WDR36: variants seen among roughly 807,000 people sequenced by gnomAD.
The protein encoded by WDR36 is WD repeat domain 36, also known as WD repeat-containing protein 36.
In WDR36, 63 loss-of-function variants were observed where a neutral mutation model predicts 112.7. That is an observed-to-expected ratio of 0.56 (90% CI 0.46 to 0.69). WDR36 has a LOEUF of 0.69. Ranked by LOEUF, WDR36 falls within the 30% of genes least tolerant of loss-of-function variation. The pLI is 0.00. For missense variants in WDR36, 1,226 were observed against 1,070.3 expected (o/e 1.15, Z -2.03); for synonymous variants, 410 against 362.2 (o/e 1.13, Z -1.50).
At chr5:111,105,224 TA>T (rs886175317) in intron 9 of WDR36, 70 bp from the exon 10 acceptor site, 10 of 1,488,600 alleles carry the variant, frequency 6.7e-6, no homozygotes, top group Middle Eastern at 3.5e-4. Context: ...TTGAATTTTA[TA>T]AAATTTGTGA....
In WDR36 at chr5:111,124,091, A is replaced by G. The variant is rs1308746062; in HGVS notation, c.2269-17A>G. ...TACTTGAATTATTTGAATAATGTGT[A>G]TTTGTTTTTGTTTAAGTCTAAAGTG... On this transcript the variant is annotated splice_polypyrimidine_tract_variant and intron_variant, in intron 20 of 22. Transcript: ENST00000513710. 1.2e-6 allele frequency: 2 copies of G among 1,611,220 alleles called. No homozygotes were observed. Among genetic ancestry groups the G allele is most frequent in the Middle Eastern group, 1.7e-4 (1 of 6,054 alleles).
chr5:111,104,606 C>A, intron 8 of WDR36, 91 bp from the exon 9 acceptor site: 1 of 1,589,862 alleles, frequency 6.3e-7, no homozygotes, highest in South Asian at 1.1e-5. Context: ...AAGCACTACT[C>A]AATACCAGTT....
At chr5:111,118,424 T>A (rs1036125259) in intron 16 of WDR36, among the ~76,000 whole-genome samples, 1 of 152,208 alleles carries the variant, frequency 6.6e-6, no homozygotes. Flanking sequence ...TTCAGCAGTT[T>A]AAAGCTATGG....
chr5:111,125,324 C>T (rs574849173), intron 21 of WDR36, among the ~76,000 whole-genome samples: 11 of 152,156 alleles, frequency 7.2e-5, no homozygotes, highest in Non-Finnish European at 1.5e-4. Flanking sequence ...AAAATTCTAA[C>T]GTGCCTGTTG....
chr5:111,100,568 T>G, intron 4 of WDR36, 21 bp from the exon 5 acceptor site: 1 of 1,438,560 alleles, frequency 7.0e-7, no homozygotes, highest in Non-Finnish European at 9.5e-7. Flanking sequence ...TAAAAAATAT[T>G]TATAACTTTC....
intron 6 of WDR36, among the ~76,000 whole-genome samples, chr5:111,102,723 A>T (rs1034243382): frequency 7.9e-5 from 12 of 151,704 alleles, no homozygotes; most frequent in Non-Finnish European, 1.8e-4. Flanking sequence ...TCAGCAATGC[A>T]AGCGGTATTG....
intron 6 of WDR36, among the ~76,000 whole-genome samples, chr5:111,102,849 T>A (rs1347885479): frequency 6.6e-6 from 1 of 151,750 alleles, no homozygotes; most frequent in Non-Finnish European, 1.5e-5. Context: ...TGCTTTTTTT[T>A]AATGAATCTG....
intron 2 of WDR36, among the ~76,000 whole-genome samples, chr5:111,095,884 A>G (rs943174981): frequency 2.0e-5 from 3 of 152,164 alleles, no homozygotes; most frequent in Admixed American, 1.3e-4. Flanking sequence ...AGAATAAAAC[A>G]TTTCTCAGGG....
rs1178981671 is a variant in WDR36 at position 111,104,096 on chromosome 5, TA to T, written c.731-77del. 4 of 1,450,284 alleles carry T rather than the reference TA, an allele frequency of 2.8e-6. No individual in the cohort carries two copies. The African/African-American group carries it at 5.7e-5, about 21-fold the overall frequency. The allele number at this position is 1,450,284 out of a possible 1,614,324, so 89.8% of individuals were successfully genotyped here. The stretch of plus-strand genomic sequence containing the variant: ...ATAGTTTTTTTCTAACTTTATGGAT[TA>T]AAAGGGAAGAGAGAAGAATTCTTGT... On this transcript the variant is annotated intron_variant, in intron 7 of 22. Coordinates refer to ENST00000513710, the MANE Select transcript of WDR36 (RefSeq NM_139281.3).
rs1382600907 is a variant in WDR36 at position 111,104,277 on chromosome 5, T to C, written c.831T>C (p.Ser277=). Residue 277 remains serine (S), a synonymous_variant, in exon 8 of 23, where the codon TCT becomes TCC. Coordinates refer to ENST00000513710, the MANE Select transcript of WDR36 (RefSeq NM_139281.3). ...KLINQMRNAH[S]TAIAGLTFLH... ...TCAACCAAATGAGAAATGCACACTCTACAGCAATTGCCGGACTGACATTTC... is the reference window on the plus strand; with the variant it reads ...TCAACCAAATGAGAAATGCACACTCCACAGCAATTGCCGGACTGACATTTC... The C allele has an allele frequency of 1.2e-6, 2 of 1,612,256 alleles. No homozygotes were observed.
chr5:111,125,444 A>G (rs897326131), intron 21 of WDR36, among the ~76,000 whole-genome samples, 164 bp from the exon 22 acceptor site: 5 of 152,166 alleles, frequency 3.3e-5, no homozygotes, highest in South Asian at 2.1e-4. Context: ...CTGATTTTCA[A>G]TTATTTTGGG....
intron 12 of WDR36, among the ~76,000 whole-genome samples, chr5:111,109,242 A>G (rs1753277683): frequency 6.6e-6 from 1 of 151,350 alleles, no homozygotes; most frequent in South Asian, 2.1e-4. Context: ...ACATTTATGA[A>G]TTTTTCAAAA....
Position 111,128,712 on chromosome 5 carries a change from G to C in WDR36, c.*1829G>C, listed in dbSNP as rs998398589. On this transcript the variant is annotated 3_prime_UTR_variant, in exon 23 of 23. Coordinates refer to ENST00000513710, the MANE Select transcript of WDR36 (RefSeq NM_139281.3). ...TTAGATAGAATACATCATTTTGGCA[G>C]GTAATCTTCTAGAACCTTTCATGTA... 6 of 182,732 alleles carry C rather than the reference G, an allele frequency of 3.3e-5. No homozygotes were observed. Among genetic ancestry groups the C allele is most frequent in the Non-Finnish European group, 5.8e-5 (5 of 85,878 alleles). The allele number at this position is 182,732 out of a possible 1,614,324, so 11.3% of individuals were successfully genotyped here. A position where few individuals can be genotyped will look rare whatever the true frequency, so the allele number is the denominator to read the frequency against.
chr5:111,117,641 C>T (rs895791597), intron 16 of WDR36, among the ~76,000 whole-genome samples: 6 of 152,178 alleles, frequency 3.9e-5, no homozygotes, highest in Non-Finnish European at 4.4e-5. Flanking sequence ...TGGACTGATC[C>T]GCCTTAATAG....
intron 2 of WDR36, 63 bp from the exon 3 acceptor site, chr5:111,097,016 A>G: frequency 8.8e-7 from 1 of 1,136,516 alleles, no homozygotes; most frequent in Non-Finnish European, 1.3e-6. Flanking sequence ...TTATATGTAT[A>G]CTTGAGGTTT....
At position 111,100,197 on chromosome 5, in the gene WDR36, C is replaced by T. The variant is rs151078289; in HGVS notation, c.410-392C>T. ...TTCCAGATAATTGGCTCTTCGTTCCCTGAAAGAGCTAAGTATAAGCACTTC... is the reference window on the plus strand; with the variant it reads ...TTCCAGATAATTGGCTCTTCGTTCCTTGAAAGAGCTAAGTATAAGCACTTC... On this transcript the variant is annotated intron_variant, in intron 4 of 22. Coordinates refer to ENST00000513710, the MANE Select transcript of WDR36 (RefSeq NM_139281.3). Among the ~76,000 whole-genome samples the T allele has an allele frequency of 5.4e-3, 823 of 151,912 alleles. 5 individuals are homozygous for T. The highest frequency in any genetic ancestry group is 0.019 in the African/African-American group (775 of 41,476).
In WDR36 at chr5:111,092,388, A is replaced by T. The variant is rs1285658221; in HGVS notation, c.-69A>T. ...CTGGCAGAGGACTGTTCCACTAGACACGCTGAAGGGACTGGGTACGTGTTT... is the reference window on the plus strand; with the variant it reads ...CTGGCAGAGGACTGTTCCACTAGACTCGCTGAAGGGACTGGGTACGTGTTT... On this transcript the variant is annotated 5_prime_UTR_variant, in exon 1 of 23. Coordinates refer to ENST00000513710, the MANE Select transcript of WDR36 (RefSeq NM_139281.3). 4.3e-6 allele frequency: 7 copies of T among 1,614,244 alleles called. No homozygotes were observed. The highest frequency in any genetic ancestry group is 5.9e-6 in the Non-Finnish European group (7 of 1,180,042).
At chr5:111,103,310 T>C (rs1753158600) in intron 6 of WDR36, among the ~76,000 whole-genome samples, 1 of 151,776 alleles carries the variant, frequency 6.6e-6, no homozygotes, top group Non-Finnish European at 1.5e-5. Context: ...TGTAAAACTT[T>C]TTTTGCCTTT....
intron 19 of WDR36, among the ~76,000 whole-genome samples, chr5:111,121,760 A>C (rs1028765266): frequency 6.6e-6 from 1 of 152,148 alleles, no homozygotes; most frequent in African/African-American, 2.4e-5. Context: ...TATTTTTTAG[A>C]GTATGTTTTA....
Sources: gnomAD v4.1 joint callset for allele counts (sites outside exome capture counted in the v4.1 genomes callset) on GRCh38, gnomAD v4.1.1 for gene constraint, MANE v1.5 for transcripts, NCBI Gene and HGNC (gene_info 2026-07-23, HGNC 2026-07-21) for gene names.